The following APLF variants were observed in gnomAD, a reference collection of about 807,000 sequenced individuals.
APLF encodes the protein aprataxin and PNK-like factor.
A neutral mutation model predicts 55.6 loss-of-function variants in APLF; 61 were observed. That is an observed-to-expected ratio of 1.10 (90% CI 0.89 to 1.36). The LOEUF (loss-of-function observed/expected upper bound fraction) is 1.36, where lower values mean the gene tolerates loss of function less well. Among genes scored for constraint, APLF ranks in the 40% most tolerant of loss-of-function variants. The pLI, the probability that APLF is intolerant of heterozygous loss-of-function variation, is 0.00. For synonymous variants in APLF, 207 were observed against 214.8 expected, an observed-to-expected ratio of 0.96 and a Z score of 0.32; for missense variants, 611 against 602.5, an observed-to-expected ratio of 1.01 and a Z score of -0.15.
intron 2 of APLF, 24 bp from the exon 3 acceptor site, chr2:68,502,707 T>G (rs1037345368): frequency 7.6e-7 from 1 of 1,308,494 alleles, no homozygotes; most frequent in African/African-American, 1.6e-5. Flanking sequence ...TTAAATTTAA[T>G]TATATTCTTT....
rs1041887572 is a variant in APLF, at chr2:68,513,342, T to C, written c.489+115T>C. 11 of 1,331,432 alleles carry C rather than the reference T, an allele frequency of 8.3e-6. No individual in the cohort carries two copies. The African/African-American group carries it at 1.3e-4, about 16-fold the overall frequency. The allele number at this position is 1,331,432 out of a possible 1,614,324, so 82.5% of individuals were successfully genotyped here. On this transcript the variant is annotated intron_variant, in intron 4 of 9. Coordinates refer to ENST00000303795, the MANE Select transcript of APLF (RefSeq NM_173545.3). Reference sequence around the variant, plus strand: ...CAATATTGCCAGCATTTATCTACTTTTGCTGATTTTAAGTTAAGCTCTAGA... The same window carrying C: ...CAATATTGCCAGCATTTATCTACTTCTGCTGATTTTAAGTTAAGCTCTAGA...
chr2:68,522,937 C>G (rs983715076), intron 5 of APLF, among the ~76,000 whole-genome samples: 104 of 151,884 alleles, frequency 6.8e-4, no homozygotes, highest in African/African-American at 2.4e-3. Context: ...TATGCCTGTA[C>G]ACTTTCTTAA....
chr2:68,521,496 C>T (rs1027634470), intron 5 of APLF, among the ~76,000 whole-genome samples: 2 of 151,720 alleles, frequency 1.3e-5, no homozygotes, highest in African/African-American at 4.8e-5. Context: ...TTTCTTAGGC[C>T]TGGGCTAAAT....
intron 7 of APLF, among the ~76,000 whole-genome samples, chr2:68,541,366 G>A (rs1358018424): frequency 6.6e-6 from 1 of 151,972 alleles, no homozygotes; most frequent in East Asian, 1.9e-4. Flanking sequence ...AAGGCACAAA[G>A]TAGATGAGGA....
rs559970009 is a variant in APLF at position 68,569,718 on chromosome 2, A to G, written c.1333+2331A>G. The stretch of plus-strand genomic sequence containing the variant: ...AAGGGTTAGAACTAGGGCGGCCATC[A>G]TGAACATGGAGAGGTTGGATTGGAT... On this transcript the variant is annotated intron_variant, in intron 9 of 9. Coordinates refer to ENST00000303795, the MANE Select transcript of APLF (RefSeq NM_173545.3). 1.7e-3 allele frequency among the ~76,000 whole-genome samples: 256 copies of G among 152,300 alleles called. 1 individual carries two copies. Among genetic ancestry groups the G allele is most frequent in the African/African-American group, 5.8e-3 (240 of 41,572 alleles).
Position 68,563,764 on chromosome 2 carries a change from A to G in APLF, c.1287-3577A>G, listed in dbSNP as rs141782231. 4.1e-3 allele frequency among the ~76,000 whole-genome samples: 626 copies of G among 152,196 alleles called. 3 individuals are homozygous for G. Among genetic ancestry groups the G allele is most frequent in the African/African-American group, 0.014 (577 of 41,560 alleles). On this transcript the variant is annotated intron_variant, in intron 8 of 9. Transcript: ENST00000303795. The stretch of plus-strand genomic sequence containing the variant: ...AATTAAGACCATATTCAACTTTTCA[A>G]TGATCCTACTTAACTGTTAAGGGCA...
At chr2:68,516,906 A>C (rs1669596307) in intron 5 of APLF, among the ~76,000 whole-genome samples, 1 of 130,710 alleles carries the variant, frequency 7.7e-6, no homozygotes, top group South Asian at 2.2e-4. Context: ...AATATATTAT[A>C]TATCCTATAT....
intron 7 of APLF, among the ~76,000 whole-genome samples, chr2:68,540,001 C>A (rs1159126931): frequency 6.6e-6 from 1 of 152,032 alleles, no homozygotes; most frequent in African/African-American, 2.4e-5. Context: ...AATTCAGAAT[C>A]TTTTTCTTAT....
At chr2:68,496,652 G>A (rs1240859271) in intron 2 of APLF, among the ~76,000 whole-genome samples, 1 of 152,118 alleles carries the variant, frequency 6.6e-6, no homozygotes, top group African/African-American at 2.4e-5. Flanking sequence ...CTGCTTAGAG[G>A]TTTCCTCTAC....
At chr2:68,473,588 C>T (rs868586702) in intron 1 of APLF, among the ~76,000 whole-genome samples, 34 of 152,252 alleles carry the variant, frequency 2.2e-4, no homozygotes, top group African/African-American at 7.0e-4. Context: ...TAAGAAACCG[C>T]CAAACTGTCT....
chr2:68,538,200 C>G lies in APLF; in HGVS notation c.1133C>G (p.Ser378Cys), dbSNP rs1440228191. 1 of 1,608,904 alleles carries G rather than the reference C, an allele frequency of 6.2e-7. No individual in the cohort carries two copies. The highest frequency in any genetic ancestry group is 2.2e-5 in the East Asian group (1 of 44,858). ...GSEGNKVKRT[S>C]CMYGANCYRK... is the part of the protein sequence containing the mutation. ...GAAGGAAACAAGGTCAAGAGGACATCCTGCATGTATGGGGCAAACTGCTAT... is the reference window on the plus strand; with the variant it reads ...GAAGGAAACAAGGTCAAGAGGACATGCTGCATGTATGGGGCAAACTGCTAT... The change falls in exon 7 of 10, where the codon TCC becomes TGC. Residue 378 changes from serine to cysteine, a missense_variant. Coordinates refer to ENST00000303795, the MANE Select transcript of APLF (RefSeq NM_173545.3).
At chr2:68,487,481 G>T (rs1467836838) in intron 1 of APLF, among the ~76,000 whole-genome samples, 1 of 152,084 alleles carries the variant, frequency 6.6e-6, no homozygotes. Context: ...ATGAAGTGAA[G>T]TATAATAATA....
intron 1 of APLF, among the ~76,000 whole-genome samples, chr2:68,487,306 G>A (rs1676215327): frequency 2.0e-5 from 3 of 152,020 alleles, no homozygotes; most frequent in Non-Finnish European, 1.5e-5. Flanking sequence ...TTAAAAACAG[G>A]TTTTGCTTTA....
intron 8 of APLF, among the ~76,000 whole-genome samples, chr2:68,558,816 G>A (rs180684800): frequency 2.2e-4 from 34 of 152,020 alleles, no homozygotes; most frequent in African/African-American, 7.0e-4. Context: ...ACTCACCACC[G>A]ACAGGACCCA....
At chr2:68,518,765 T>C (rs1192449031) in intron 5 of APLF, among the ~76,000 whole-genome samples, 132 of 111,608 alleles carry the variant, frequency 1.2e-3, no homozygotes, top group Middle Eastern at 0.013. Flanking sequence ...AATAAAATAT[T>C]AATAATATAT....
At chr2:68,546,702 A>C (rs918446420) in intron 8 of APLF, among the ~76,000 whole-genome samples, 1 of 151,942 alleles carries the variant, frequency 6.6e-6, no homozygotes, top group African/African-American at 2.4e-5. Context: ...AACCAAAATC[A>C]GCATTCATTT....
intron 6 of APLF, among the ~76,000 whole-genome samples, chr2:68,534,622 C>T (rs113486844): frequency 0.014 from 2,117 of 152,230 alleles, 42 homozygotes; most frequent in African/African-American, 0.047. Context: ...CATGCTCTTC[C>T]GTCCCTCAGG....
intron 9 of APLF, among the ~76,000 whole-genome samples, chr2:68,575,686 A>G (rs1282324279): frequency 2.0e-5 from 3 of 152,006 alleles, no homozygotes; most frequent in Non-Finnish European, 4.4e-5. Context: ...AAGGATGACT[A>G]CAAGATTTCT....
At chr2:68,539,393 G>T (rs1184436015) in intron 7 of APLF, among the ~76,000 whole-genome samples, 1 of 152,176 alleles carries the variant, frequency 6.6e-6, no homozygotes, top group Non-Finnish European at 1.5e-5. Context: ...TCTTTTCTTG[G>T]CTTGCAGACT....
Sources: gnomAD v4.1 joint callset for allele counts (sites outside exome capture counted in the v4.1 genomes callset) on GRCh38, gnomAD v4.1.1 for gene constraint, MANE v1.5 for transcripts, NCBI Gene and HGNC (gene_info 2026-07-23, HGNC 2026-07-21) for gene names.